Variants in FUBP3 observed in about 807,000 individuals in gnomAD.
The protein encoded by FUBP3 is far upstream element binding protein 3.
A neutral mutation model predicts 85.6 loss-of-function variants in FUBP3; 28 were observed. The ratio of observed to expected loss-of-function variants is 0.33; its 90% CI spans 0.24 to 0.45. FUBP3 has a LOEUF of 0.45. FUBP3 is among the 20% of genes least tolerant of loss of function. FUBP3 has a pLI of 1.00. For synonymous variants in FUBP3, 271 were observed against 271.4 expected (o/e 1.00, Z 0.01); for missense variants, 583 against 755.1 (o/e 0.77, Z 2.67).
chr9:130,631,482 C>T lies in FUBP3; in HGVS notation c.1279-75C>T, dbSNP rs571821880. On this transcript the variant is annotated intron_variant, in intron 13 of 18. Transcript: ENST00000319725. ...CCATCTCCCCAAAAGCTGGGCTTTG[C>T]CTCGGGGTGGGCCTGGGCAGAGGAA... The T allele has an allele frequency of 6.6e-5, 95 of 1,439,408 alleles. 2 individuals carry two copies. In the South Asian group the frequency reaches 1.1e-3, roughly 16 times the overall value. The allele number at this position is 1,439,408 out of a possible 1,614,324, so 89.2% of individuals were successfully genotyped here. A position where few individuals can be genotyped will look rare whatever the true frequency, so the allele number is the denominator to read the frequency against.
At chr9:130,615,982 G>A (rs1192345394) in intron 6 of FUBP3, among the ~76,000 whole-genome samples, 1 of 152,174 alleles carries the variant, frequency 6.6e-6, no homozygotes, top group African/African-American at 2.4e-5. Flanking sequence ...TACTCTGTGA[G>A]AAGGGTCATG....
chr9:130,607,350 G>A (rs1294317287), intron 2 of FUBP3, among the ~76,000 whole-genome samples: 2 of 150,720 alleles, frequency 1.3e-5, no homozygotes, highest in African/African-American at 4.9e-5. Flanking sequence ...TTATGATATC[G>A]TAGGATGACT....
chr9:130,584,579 A>G (rs187077505), intron 1 of FUBP3, among the ~76,000 whole-genome samples: 6 of 148,352 alleles, frequency 4.0e-5, no homozygotes, highest in Non-Finnish European at 9.0e-5. Flanking sequence ...AGAGAGAGCA[A>G]GATTTCGGGC....
At chr9:130,608,975 G>A (rs76297678) in intron 2 of FUBP3, among the ~76,000 whole-genome samples, 8,089 of 152,228 alleles carry the variant, frequency 0.053, 260 homozygotes, top group Admixed American at 0.095. Context: ...GGGTGTAATC[G>A]ATCCTTTGCG....
At chr9:130,623,556 G>A (rs1829840823) in intron 10 of FUBP3, 55 bp from the exon 11 acceptor site, 4 of 1,140,868 alleles carry the variant, frequency 3.5e-6, no homozygotes, top group Non-Finnish European at 5.3e-6. Context: ...ATTAATCCTT[G>A]TTTCCTTCTA....
chr9:130,630,288 C>T (rs1415713310), intron 12 of FUBP3, among the ~76,000 whole-genome samples: 1 of 152,214 alleles, frequency 6.6e-6, no homozygotes, highest in Non-Finnish European at 1.5e-5. Flanking sequence ...AGCTGGCCCC[C>T]AAGGGTGAGC....
Position 130,614,354 on chromosome 9 carries a change from A to G in FUBP3, c.404+9A>G. On this transcript the variant is annotated intron_variant, in intron 6 of 18. Transcript: ENST00000319725. ...ACCCCAGAAAGTATTGAGTAAGTTT[A>G]TTTTATTTACTTTTTCTTTCACTCT... is the stretch of plus-strand genomic sequence containing the variant. The G allele has an allele frequency of 6.4e-7, 1 of 1,558,674 alleles. No homozygotes were observed. The highest frequency in any genetic ancestry group is 8.8e-7 in the Non-Finnish European group (1 of 1,130,916).
At chr9:130,625,971 C>G (rs1261305903) in intron 11 of FUBP3, among the ~76,000 whole-genome samples, 2 of 151,986 alleles carry the variant, frequency 1.3e-5, no homozygotes, top group African/African-American at 4.8e-5. Context: ...TCCCATAGGC[C>G]CAGTATGTGT....
chr9:130,636,210 A>G (rs759476371), intron 18 of FUBP3, 84 bp downstream of exon 18: 2 of 1,383,296 alleles, frequency 1.4e-6, no homozygotes, highest in Non-Finnish European at 1.0e-6. Flanking sequence ...TGACCCCAGG[A>G]TGAGAGCGCT....
intron 12 of FUBP3, among the ~76,000 whole-genome samples, chr9:130,627,674 G>C (rs913688197): frequency 4.6e-5 from 7 of 152,226 alleles, no homozygotes; most frequent in Non-Finnish European, 8.8e-5. Context: ...GATATTGCAG[G>C]CTGCACCAGA....
At chr9:130,596,734 GTTC>G in intron 2 of FUBP3, 1 of 347,598 alleles carries the variant, frequency 2.9e-6, no homozygotes, top group Non-Finnish European at 5.8e-6. Context: ...CTATGTTAAG[GTTC>G]TTTTTAGTTA....
chr9:130,594,381 G>A (rs1564194033), intron 1 of FUBP3, among the ~76,000 whole-genome samples: 1 of 151,996 alleles, frequency 6.6e-6, no homozygotes, highest in Non-Finnish European at 1.5e-5. Flanking sequence ...TCAGGAGTTC[G>A]AGACCAGCCT....
In FUBP3 at chr9:130,616,642, G is replaced by A; in HGVS notation, c.567+125G>A. 1.2e-6 allele frequency: 1 copy of A among 841,118 alleles called. No homozygotes were observed. Among genetic ancestry groups the A allele is most frequent in the Admixed American group, 2.5e-5 (1 of 40,806 alleles). 52.1% of individuals were successfully genotyped at this position (841,118 alleles called of 1,614,324 possible). On this transcript the variant is annotated intron_variant, in intron 7 of 18. Transcript: ENST00000319725. This position sits in a 1 kb window ranked among gnomAD's most constrained non-coding sequence, Gnocchi z 4.7. ...CTGGCTTTGTGCAGCATTGTGCTGA[G>A]GCTTCCTTCCTCCATTTGACAGACA...
intron 17 of FUBP3, 89 bp downstream of exon 17, chr9:130,634,827 T>G: frequency 1.0e-6 from 1 of 967,652 alleles, no homozygotes; most frequent in Non-Finnish European, 1.6e-6. Flanking sequence ...ACCTCTTTTT[T>G]CCCTAATGCC....
At position 130,612,534 on chromosome 9, in the gene FUBP3, C is replaced by G. The variant is rs374530075; in HGVS notation, c.274+29C>G. ...AGTATCCATGTTGTCTACTTTTTCC[C>G]TGATTCCTGTCTCTTCTTTTTCTCT... On this transcript the variant is annotated intron_variant, in intron 4 of 18. Coordinates refer to ENST00000319725, the MANE Select transcript of FUBP3 (RefSeq NM_003934.2). The surrounding 1 kb of genome is among the most constrained non-coding windows in gnomAD (Gnocchi z 4.1). 1.3e-4 allele frequency: 185 copies of G among 1,374,424 alleles called. No individual in the cohort carries two copies. Among genetic ancestry groups the G allele is most frequent in the Non-Finnish European group, 1.7e-4 (165 of 966,034 alleles). The allele number at this position is 1,374,424 out of a possible 1,614,324, so 85.1% of individuals were successfully genotyped here. A position where few individuals can be genotyped will look rare whatever the true frequency, so the allele number is the denominator to read the frequency against.
chr9:130,636,150 G>T, intron 18 of FUBP3, 24 bp downstream of exon 18: 2 of 1,607,598 alleles, frequency 1.2e-6, no homozygotes, highest in Non-Finnish European at 1.7e-6. Context: ...CACCAGCACC[G>T]CTGCCACTCC....
At chr9:130,619,558 TA>T (rs1400514275) in intron 8 of FUBP3, among the ~76,000 whole-genome samples, 12 of 152,340 alleles carry the variant, frequency 7.9e-5, no homozygotes, top group Admixed American at 7.8e-4. Context: ...GCAAATGTCC[TA>T]AGGTTGTCCT....
chr9:130,634,634 T>C (rs2304808), intron 16 of FUBP3, 33 bp from the exon 17 acceptor site: 428,057 of 1,595,718 alleles, frequency 0.27, 64,869 homozygotes, highest in African/African-American at 0.64. Context: ...GAGGAGCCCG[T>C]AAGGCCTGAC....
chr9:130,600,547 G>A (rs925451346), intron 2 of FUBP3, among the ~76,000 whole-genome samples: 2 of 151,976 alleles, frequency 1.3e-5, no homozygotes, highest in Non-Finnish European at 2.9e-5. Flanking sequence ...TGAGGCTGGA[G>A]TGCAGTGGGG....
Sources: allele counts gnomAD v4.1 joint callset (sites outside exome capture counted in the v4.1 genomes callset), GRCh38; gene constraint gnomAD v4.1.1; non-coding constraint Gnocchi (gnomAD v3.1); transcripts MANE v1.5; gene names NCBI Gene and HGNC (gene_info 2026-07-23, HGNC 2026-07-21).